Variants in CRAMP1 observed in about 807,000 individuals in gnomAD.
The protein encoded by CRAMP1 is protein cramped-like.
A neutral mutation model predicts 115.4 loss-of-function variants in CRAMP1; 50 were observed. The observed-to-expected ratio is 0.43, with a 90% CI of 0.35 to 0.55. The LOEUF (loss-of-function observed/expected upper bound fraction) is 0.55. Among genes scored for constraint, CRAMP1 ranks in the 20% least tolerant of loss-of-function variants. The probability of loss-of-function intolerance (pLI) is 0.01; values close to 1 mark genes in which losing one functional copy is unlikely to be tolerated. For missense variants in CRAMP1, 1,679 were observed against 1,721.7 expected (o/e 0.98, Z 0.44); for synonymous variants, 866 against 745.4 (o/e 1.16, Z -2.64).
chr16:1,648,991 G>A (rs1302147502), intron 6 of CRAMP1, among the ~76,000 whole-genome samples: 3 of 152,020 alleles, frequency 2.0e-5, no homozygotes, highest in South Asian at 2.1e-4. Flanking sequence ...CCCGGCAGGC[G>A]GAGCTTGCAG....
intron 3 of CRAMP1, among the ~76,000 whole-genome samples, chr16:1,628,913 T>A (rs1400746165): frequency 1.3e-5 from 2 of 152,212 alleles, no homozygotes; most frequent in African/African-American, 4.8e-5. Flanking sequence ...CACACCCTAC[T>A]TTGGGCAGTG....
chr16:1,655,082 A>G (rs2036758576), intron 8 of CRAMP1, 137 bp from the exon 9 acceptor site: 1 of 691,436 alleles, frequency 1.4e-6, no homozygotes, highest in South Asian at 1.7e-5. Context: ...GGCCCTGCAG[A>G]CGCCCGCTCC....
At chr16:1,657,453 C>G (rs770596307) in intron 10 of CRAMP1, among the ~76,000 whole-genome samples, 1 of 152,192 alleles carries the variant, frequency 6.6e-6, no homozygotes, top group Admixed American at 6.5e-5. Context: ...GGCCTGGAGC[C>G]GAGCTAGCCT....
intron 2 of CRAMP1, among the ~76,000 whole-genome samples, chr16:1,620,205 G>A (rs2036454434): frequency 6.6e-6 from 1 of 152,208 alleles, no homozygotes; most frequent in African/African-American, 2.4e-5. Context: ...GTTAGGAGAG[G>A]CACGGAATGC....
intron 6 of CRAMP1, among the ~76,000 whole-genome samples, chr16:1,642,114 C>T (rs148670987): frequency 6.8e-4 from 104 of 152,332 alleles, no homozygotes; most frequent in Middle Eastern, 3.4e-3. Context: ...CACAACCAGC[C>T]CCGATCCTTG....
At chr16:1,658,139 A>G (rs1415542687) in intron 10 of CRAMP1, among the ~76,000 whole-genome samples, 1 of 152,140 alleles carries the variant, frequency 6.6e-6, no homozygotes, top group Admixed American at 6.5e-5. Flanking sequence ...GAGTTGGTCC[A>G]TCAGCAGGTG....
chr16:1,646,612 CCTGT>C (rs1316453651), intron 6 of CRAMP1, among the ~76,000 whole-genome samples: 4 of 152,140 alleles, frequency 2.6e-5, no homozygotes, highest in Admixed American at 6.5e-5. Flanking sequence ...TAGACTGTGG[CCTGT>C]CTTTTTGTTC....
intron 9 of CRAMP1, among the ~76,000 whole-genome samples, 167 bp from the exon 10 acceptor site, chr16:1,655,710 C>T (rs116988038): frequency 0.017 from 2,604 of 152,288 alleles, 27 homozygotes; most frequent in Non-Finnish European, 0.026. Flanking sequence ...ACTAAGTGCC[C>T]GGGTCAGCAT....
chr16:1,630,276 C>A (rs374135297), intron 3 of CRAMP1, among the ~76,000 whole-genome samples: 8 of 152,012 alleles, frequency 5.3e-5, no homozygotes, highest in African/African-American at 1.7e-4. Flanking sequence ...CTCAGCCTCC[C>A]ACGTAGCTAG....
chr16:1,657,165 G>C (rs367985367), intron 10 of CRAMP1, among the ~76,000 whole-genome samples, 173 bp downstream of exon 10: 1 of 152,238 alleles, frequency 6.6e-6, no homozygotes, highest in South Asian at 2.1e-4. Context: ...GGGAGAGGCA[G>C]GGACCCAAAT....
At chr16:1,649,228 T>C (rs2036702357) in intron 6 of CRAMP1, among the ~76,000 whole-genome samples, 1 of 152,172 alleles carries the variant, frequency 6.6e-6, no homozygotes, top group Admixed American at 6.5e-5. Flanking sequence ...AAGGCTCAGC[T>C]CTGTCCTTTG....
intron 20 of CRAMP1, 86 bp from the exon 21 acceptor site, chr16:1,673,795 G>A (rs945407114): frequency 7.8e-7 from 1 of 1,287,594 alleles, no homozygotes; most frequent in African/African-American, 1.5e-5. Context: ...GTCGATAGGA[G>A]CTTCTCGTCC....
chr16:1,655,477 C>G (rs1435560094), intron 9 of CRAMP1, among the ~76,000 whole-genome samples, 177 bp downstream of exon 9: 1 of 152,166 alleles, frequency 6.6e-6, no homozygotes, highest in African/African-American at 2.4e-5. Context: ...GGGTGTGGAG[C>G]CCCCTCTGTG....
chr16:1,666,021 G>A lies in CRAMP1; in HGVS notation c.2753-52G>A. 8.0e-7 allele frequency: 1 copy of A among 1,256,870 alleles called. No homozygotes were observed. The highest frequency in any genetic ancestry group is 1.1e-6 in the Non-Finnish European group (1 of 876,948). The allele number at this position is 1,256,870 out of a possible 1,614,324, so 77.9% of individuals were successfully genotyped here. A position where few individuals can be genotyped will look rare whatever the true frequency, so the allele number is the denominator to read the frequency against. On this transcript the variant is annotated intron_variant, in intron 14 of 20. Coordinates refer to ENST00000397412, the MANE Select transcript of CRAMP1 (RefSeq NM_020825.4). This position sits in a 1 kb window ranked among gnomAD's most constrained non-coding sequence, Gnocchi z 5.0. ...GCCCCCTGCGGCCACATCCTGCTGT[G>A]AGGGCATGGCGGGCGGGCTCGACAT...
rs1272945488 is a variant in CRAMP1, at chr16:1,666,646, G to T, written c.3036+46G>T. The T allele has an allele frequency of 1.9e-6, 3 of 1,558,836 alleles. No individual in the cohort carries two copies. Among genetic ancestry groups the T allele is most frequent in the Non-Finnish European group, 8.8e-7 (1 of 1,132,512 alleles). On this transcript the variant is annotated intron_variant, in intron 16 of 20. Transcript: ENST00000397412. This position sits in a 1 kb window ranked among gnomAD's most constrained non-coding sequence, Gnocchi z 5.0. ...TTTTCAGCATTACCACCAACTTCTG[G>T]TGTGGACGCCAAAGCCATGGGGCTG...
intron 6 of CRAMP1, 118 bp downstream of exon 6, chr16:1,641,305 C>G: frequency 1.3e-6 from 1 of 759,544 alleles, no homozygotes; most frequent in African/African-American, 1.7e-5. Flanking sequence ...TTCATAACCT[C>G]TCAGTTACGT....
At chr16:1,615,050 AC>A in intron 2 of CRAMP1, 65 bp downstream of exon 2, 1 of 994,356 alleles carries the variant, frequency 1.0e-6, no homozygotes, top group South Asian at 5.1e-5. Flanking sequence ...GGGGAGAGGA[AC>A]CCCTCGCCCC....
Position 1,671,692 on chromosome 16 carries a change from T to C in CRAMP1, c.3645+883T>C, listed in dbSNP as rs2036924937. 6.6e-6 allele frequency among the ~76,000 whole-genome samples: 1 copy of C among 152,172 alleles called. No homozygotes were observed. The highest frequency in any genetic ancestry group is 1.5e-5 in the Non-Finnish European group (1 of 68,020). On this transcript the variant is annotated intron_variant, in intron 20 of 20. Coordinates refer to ENST00000397412, the MANE Select transcript of CRAMP1 (RefSeq NM_020825.4). The surrounding 1 kb of genome is among the most constrained non-coding windows in gnomAD (Gnocchi z 5.0). ...CACAATGTTGAGACATTGGCAGGTGTTCCTTGAGGATTTTGTGGGTAGATA... is the reference window on the plus strand; with the variant it reads ...CACAATGTTGAGACATTGGCAGGTGCTCCTTGAGGATTTTGTGGGTAGATA...
Position 1,656,072 on chromosome 16 carries a change from G to A in CRAMP1, c.1315G>A (p.Ala439Thr), listed in dbSNP as rs759692870. ...CCGGTGCAAGCAGAGTGCCAAGGAC[G>A]CCCACGTGCTGCCCCCAGCCCAGAT... is the stretch of plus-strand genomic sequence containing the variant. ...GGRCKQSAKD[A>T]HVLPPAQILG... is the part of the protein sequence containing the mutation. The change falls in exon 10 of 21, where the codon GCC (alanine) becomes ACC (threonine). Residue 439 changes from alanine to threonine, a missense_variant. Ala to Thr is a moderately conservative substitution (Grantham distance 58). This residue lies in a region of CRAMP1 where 191 missense variants were observed against 236.2 expected (regional missense o/e 0.81). Coordinates refer to ENST00000397412, the MANE Select transcript of CRAMP1 (RefSeq NM_020825.4). This position sits in a 1 kb window ranked among gnomAD's most constrained non-coding sequence, Gnocchi z 5.6. 19 of 1,610,252 alleles carry A rather than the reference G, an allele frequency of 1.2e-5. No individual in the cohort carries two copies. The highest frequency in any genetic ancestry group is 8.0e-5 in the African/African-American group (6 of 74,894).
Sources: allele counts gnomAD v4.1 joint callset (sites outside exome capture counted in the v4.1 genomes callset), GRCh38; gene constraint gnomAD v4.1.1; regional missense constraint gnomAD v4.1.1; non-coding constraint Gnocchi (gnomAD v3.1); transcripts MANE v1.5; gene names NCBI Gene and HGNC (gene_info 2026-07-23, HGNC 2026-07-21).